WWC1: variants seen among roughly 807,000 people sequenced by gnomAD.
WWC1 encodes the protein WW and C2 domain containing 1.
Under a neutral mutation model 138.4 loss-of-function variants are expected in WWC1, and 55 were observed. That is an observed-to-expected ratio of 0.40 (90% CI 0.32 to 0.50). The LOEUF is 0.50. Ranked by LOEUF, WWC1 falls within the 20% of genes least tolerant of loss-of-function variation. The probability of loss-of-function intolerance (pLI) is 0.72; values close to 1 mark genes in which losing one functional copy is unlikely to be tolerated. For synonymous variants in WWC1, 524 were observed against 564.9 expected, an observed-to-expected ratio of 0.93 and a Z score of 1.03; for missense variants, 1,226 against 1,420.4, an observed-to-expected ratio of 0.86 and a Z score of 2.20.
At chr5:168,359,672 G>T (rs554767045) in intron 1 of WWC1, among the ~76,000 whole-genome samples, 1 of 152,048 alleles carries the variant, frequency 6.6e-6, no homozygotes, top group African/African-American at 2.4e-5. Context: ...CATTTTTCAA[G>T]GTTAGTTTTT....
At chr5:168,406,414 G>A (rs2152837308) in intron 6 of WWC1, 87 bp downstream of exon 6, 8 of 1,555,600 alleles carry the variant, frequency 5.1e-6, no homozygotes, top group Non-Finnish European at 7.0e-6. Context: ...ATTTCCACGT[G>A]GTACACACAT....
Position 168,447,045 on chromosome 5 carries a change from A to G in WWC1, c.2525+2460A>G, listed in dbSNP as rs1323662045. On this transcript the variant is annotated intron_variant, in intron 17 of 22. Transcript: ENST00000265293. ...CTTACTGAGCATTAGTAAGATTTAA[A>G]AGCTCCCTGGGTGATTCTAATGTGC... is the stretch of plus-strand genomic sequence containing the variant. Among the ~76,000 whole-genome samples, 3 of 152,158 alleles carry G rather than the reference A, an allele frequency of 2.0e-5. No homozygotes were observed. In the East Asian group the frequency reaches 5.8e-4, roughly 29 times the overall value.
intron 2 of WWC1, among the ~76,000 whole-genome samples, chr5:168,373,772 C>T (rs187029245): frequency 4.4e-5 from 6 of 136,172 alleles, no homozygotes; most frequent in East Asian, 2.1e-4. Flanking sequence ...GTGTGCTGGG[C>T]GCAGTGGCTC....
In WWC1 at chr5:168,385,077, A is replaced by G; in HGVS notation, c.230-134A>G. On this transcript the variant is annotated intron_variant, in intron 2 of 22. Coordinates refer to ENST00000265293, the MANE Select transcript of WWC1 (RefSeq NM_015238.3). ...GAGAATCACTGTCATTTAGTAAATG[A>G]GTTTGCCCCACTTACATTTATTGTG... The G allele has an allele frequency of 6.2e-6, 5 of 806,430 alleles. No individual in the cohort carries two copies. In the South Asian group the frequency reaches 9.1e-5, roughly 15 times the overall value. 50.0% of individuals were successfully genotyped at this position (806,430 alleles called of 1,614,324 possible).
intron 2 of WWC1, among the ~76,000 whole-genome samples, chr5:168,384,888 T>C (rs973923907): frequency 2.0e-5 from 3 of 152,040 alleles, no homozygotes; most frequent in Non-Finnish European, 4.4e-5. Flanking sequence ...GGCTAATTTT[T>C]GTATTTTTAG....
rs886860029 is a variant in WWC1, at chr5:168,292,445, C to T, written c.119+174C>T. Among the ~76,000 whole-genome samples the T allele has an allele frequency of 1.3e-5, 2 of 151,836 alleles. No individual in the cohort carries two copies. Among genetic ancestry groups the T allele is most frequent in the Non-Finnish European group, 2.9e-5 (2 of 67,928 alleles). On this transcript the variant is annotated intron_variant, in intron 1 of 22. Transcript: ENST00000265293. This position sits in a 1 kb window ranked among gnomAD's most constrained non-coding sequence, Gnocchi z 4.4. ...ACCTTCTGGAGCGCTGCTCCCGCCT[C>T]AGTGGGCCACCGAGAGGAGGCGCCT...
Position 168,359,204 on chromosome 5 carries a change from C to T in WWC1, c.120-12220C>T, listed in dbSNP as rs191044932. Among the ~76,000 whole-genome samples the T allele has an allele frequency of 2.7e-3, 409 of 152,128 alleles. 1 individual carries two copies. Among genetic ancestry groups the T allele is most frequent in the African/African-American group, 9.3e-3 (386 of 41,504 alleles). ...CCAAGTAGCTGGGACTACAGGTACG[C>T]GCCACCATGTCTGGCTAATTTTTTT... On this transcript the variant is annotated intron_variant, in intron 1 of 22. Coordinates refer to ENST00000265293, the MANE Select transcript of WWC1 (RefSeq NM_015238.3).
At chr5:168,408,775 G>A (rs968909961) in intron 7 of WWC1, 122 bp downstream of exon 7, 5 of 1,358,486 alleles carry the variant, frequency 3.7e-6, no homozygotes, top group Middle Eastern at 2.2e-4. Flanking sequence ...CTGCAGGGCT[G>A]GCTGCTGCCT....
intron 1 of WWC1, among the ~76,000 whole-genome samples, chr5:168,330,420 TTTC>T (rs1772930248): frequency 6.6e-6 from 1 of 152,162 alleles, no homozygotes; most frequent in African/African-American, 2.4e-5. Flanking sequence ...GAGACTCAGT[TTTC>T]TTCTTATCAA....
chr5:168,450,536 C>T (rs751612847), intron 17 of WWC1, among the ~76,000 whole-genome samples: 5 of 151,986 alleles, frequency 3.3e-5, no homozygotes, highest in East Asian at 1.9e-4. Flanking sequence ...CATGGCGGCA[C>T]GTGCCTGTAA....
chr5:168,345,774 T>C (rs969477942), intron 1 of WWC1, among the ~76,000 whole-genome samples: 3 of 152,192 alleles, frequency 2.0e-5, no homozygotes, highest in African/African-American at 7.2e-5. Context: ...TCATAGTTTT[T>C]ATATTTTGAT....
intron 2 of WWC1, among the ~76,000 whole-genome samples, chr5:168,377,200 A>C (rs546055857): frequency 6.6e-5 from 10 of 152,210 alleles, no homozygotes; most frequent in Non-Finnish European, 1.3e-4. Context: ...TGTTCAATAA[A>C]TGGTGTTGGG....
rs1024764127 is a variant in WWC1, at chr5:168,453,231, A to AG, written c.2526-737_2526-736insG. On this transcript the variant is annotated intron_variant, in intron 17 of 22. Coordinates refer to ENST00000265293, the MANE Select transcript of WWC1 (RefSeq NM_015238.3). ...AGAGTGAGACTCTGATTCAAAAGGA[A>AG]AAAAAAAAAGGAATGAACCGCTGAT... Among the ~76,000 whole-genome samples the AG allele has an allele frequency of 2.8e-5, 4 of 145,222 alleles. No homozygotes were observed. In the South Asian group the frequency reaches 6.3e-4, roughly 23 times the overall value.
chr5:168,291,921 A>C lies in WWC1; in HGVS notation c.-232A>C. On this transcript the variant is annotated 5_prime_UTR_variant, in exon 1 of 23. Coordinates refer to ENST00000265293, the MANE Select transcript of WWC1 (RefSeq NM_015238.3). The stretch of plus-strand genomic sequence containing the variant: ...CCGCGCCGCTGCGGACGCACATGGC[A>C]GCGTGAGAGGCCGGCGGCGGGAGGA... 1 of 235,884 alleles carries C rather than the reference A, an allele frequency of 4.2e-6. No homozygotes were observed. The highest frequency in any genetic ancestry group is 2.3e-5 in the African/African-American group (1 of 43,392). 14.6% of individuals were successfully genotyped at this position (235,884 alleles called of 1,614,324 possible).
intron 21 of WWC1, among the ~76,000 whole-genome samples, chr5:168,465,268 G>T (rs1006276009): frequency 1.3e-5 from 2 of 152,138 alleles, no homozygotes; most frequent in Non-Finnish European, 2.9e-5. Context: ...CATGAAATAC[G>T]TAGGGTACCC....
intron 19 of WWC1, among the ~76,000 whole-genome samples, chr5:168,456,925 G>A (rs17070233): frequency 0.1 from 15,687 of 152,048 alleles, 1,363 homozygotes; most frequent in African/African-American, 0.23. Context: ...CAAGCCTCAC[G>A]CATTTTTCCC....
At chr5:168,418,050 TTC>T (rs1448098712) in intron 9 of WWC1, among the ~76,000 whole-genome samples, 1 of 152,230 alleles carries the variant, frequency 6.6e-6, no homozygotes, top group African/African-American at 2.4e-5. Context: ...CTCTGTTTCT[TTC>T]TCTCTGTCTC....
At chr5:168,433,833 A>G (rs1782128948) in intron 15 of WWC1, among the ~76,000 whole-genome samples, 1 of 152,180 alleles carries the variant, frequency 6.6e-6, no homozygotes, top group Non-Finnish European at 1.5e-5. Context: ...CCACCACCCC[A>G]GCCCATTATC....
intron 2 of WWC1, among the ~76,000 whole-genome samples, chr5:168,375,120 G>A (rs930305759): frequency 4.6e-5 from 7 of 152,132 alleles, no homozygotes. Context: ...GAGTTTAGGA[G>A]AGAGGTCTGG....
Sources: gnomAD v4.1 joint callset for allele counts (sites outside exome capture counted in the v4.1 genomes callset) on GRCh38, gnomAD v4.1.1 for gene constraint, Gnocchi (gnomAD v3.1) non-coding constraint, MANE v1.5 for transcripts, NCBI Gene and HGNC (gene_info 2026-07-23, HGNC 2026-07-21) for gene names.